Variants in RORA observed in about 807,000 individuals in gnomAD.
RORA encodes the protein nuclear receptor ROR-alpha.
RORA carries 7 observed loss-of-function variants against 69.5 expected under a neutral mutation model. The ratio of observed to expected loss-of-function variants is 0.10; its 90% CI spans 0.06 to 0.19. The LOEUF (loss-of-function observed/expected upper bound fraction) is 0.19, where lower values mean the gene tolerates loss of function less well. Ranked by LOEUF, RORA falls within the 10% of genes least tolerant of loss-of-function variation. RORA has a pLI of 1.00. For synonymous variants in RORA, 261 were observed against 240.8 expected (o/e 1.08, Z -0.78); for missense variants, 457 against 663.0 (o/e 0.69, Z 3.41).
rs1033539314 is a variant in RORA, at chr15:61,036,285, T to C, written c.166+192768A>G. Among the ~76,000 whole-genome samples the C allele has an allele frequency of 8.5e-5, 13 of 152,158 alleles. No individual in the cohort carries two copies. The East Asian group carries it at 9.7e-4, about 11-fold the overall frequency. On this transcript the variant is annotated intron_variant, in intron 1 of 10. Coordinates refer to ENST00000335670, the MANE Select transcript of RORA (RefSeq NM_134261.3). ...GTCTGTAGGAGAGCATCGGCAAAGA[T>C]AGCAAGAGGATGCAATCCTCTTTAG... is the stretch of plus-strand genomic sequence containing the variant.
At chr15:61,228,521 C>T (rs1237192930) in intron 1 of RORA, among the ~76,000 whole-genome samples, 1 of 147,058 alleles carries the variant, frequency 6.8e-6, no homozygotes, top group Non-Finnish European at 1.5e-5. Context: ...CCAGGTCGCT[C>T]ACTCCTCCCG....
intron 1 of RORA, among the ~76,000 whole-genome samples, chr15:60,838,136 G>A (rs1476142791): frequency 6.6e-6 from 1 of 152,056 alleles, no homozygotes; most frequent in East Asian, 1.9e-4. Context: ...CCAAGTGGTG[G>A]GATGAGCTGT....
intron 1 of RORA, among the ~76,000 whole-genome samples, chr15:60,988,741 C>T (rs192556689): frequency 7.3e-4 from 111 of 152,278 alleles, no homozygotes; most frequent in Non-Finnish European, 9.7e-4. Flanking sequence ...CAATAAGGTA[C>T]ACAATGCAGT....
At chr15:61,008,211 G>A (rs879582082) in intron 1 of RORA, among the ~76,000 whole-genome samples, 1 of 142,438 alleles carries the variant, frequency 7.0e-6, no homozygotes, top group East Asian at 2.0e-4. Context: ...CTCTGTGTGT[G>A]TGTGTGTGTG....
chr15:60,689,362 G>T (rs1190855796), intron 1 of RORA, among the ~76,000 whole-genome samples: 4 of 152,192 alleles, frequency 2.6e-5, no homozygotes, highest in African/African-American at 7.2e-5. Flanking sequence ...CACTAAGGTG[G>T]CCCCGAGCTT....
In RORA at chr15:60,491,583, T is replaced by A. The variant is rs2065041744; in HGVS notation, c.*5872A>T. 2 of 151,740 alleles carry A rather than the reference T, an allele frequency of 1.3e-5. No individual in the cohort carries two copies. The highest frequency in any genetic ancestry group is 2.9e-5 in the Non-Finnish European group (2 of 67,928). The allele number at this position is 151,740 out of a possible 1,614,324, so 9.4% of individuals were successfully genotyped here. A position where few individuals can be genotyped will look rare whatever the true frequency, so the allele number is the denominator to read the frequency against. On this transcript the variant is annotated 3_prime_UTR_variant, in exon 11 of 11. Transcript: ENST00000335670. ...AAATGACTGAATGTATTTATTGCTC[T>A]AAGTTCTGAGGGTTTGGTTGAACAT...
intron 1 of RORA, among the ~76,000 whole-genome samples, chr15:60,914,107 C>T (rs545628269): frequency 6.6e-6 from 1 of 152,262 alleles, no homozygotes; most frequent in East Asian, 1.9e-4. Flanking sequence ...AAAACAAAGA[C>T]GGGTGCACGT....
chr15:61,127,374 T>G (rs1447955840), intron 1 of RORA, among the ~76,000 whole-genome samples: 2 of 152,206 alleles, frequency 1.3e-5, no homozygotes, highest in African/African-American at 4.8e-5. Context: ...ACTGGTGGGA[T>G]TCAAGAGATG....
chr15:60,669,646 C>T (rs953378722), intron 2 of RORA, among the ~76,000 whole-genome samples: 2 of 104,724 alleles, frequency 1.9e-5, no homozygotes, highest in Non-Finnish European at 4.2e-5. Flanking sequence ...CCAGTCAGAC[C>T]GATCTACACA....
intron 2 of RORA, among the ~76,000 whole-genome samples, chr15:60,599,071 T>A (rs2068758608): frequency 6.6e-6 from 1 of 152,208 alleles, no homozygotes; most frequent in Non-Finnish European, 1.5e-5. Context: ...ATACTCGAAG[T>A]GTTCCAGAAA....
chr15:60,510,813 T>TA (rs1337941935), intron 5 of RORA, among the ~76,000 whole-genome samples: 2 of 151,994 alleles, frequency 1.3e-5, no homozygotes, highest in African/African-American at 4.8e-5. Context: ...TCAAAAATTT[T>TA]AAAACTCTGC....
At chr15:60,793,743 A>C (rs1256238519) in intron 1 of RORA, among the ~76,000 whole-genome samples, 1 of 152,220 alleles carries the variant, frequency 6.6e-6, no homozygotes, top group African/African-American at 2.4e-5. Flanking sequence ...ATGAAACTTC[A>C]AAGAGCTTTC....
At chr15:60,857,738 G>A (rs1011463970) in intron 1 of RORA, among the ~76,000 whole-genome samples, 93 of 152,290 alleles carry the variant, frequency 6.1e-4, no homozygotes, top group African/African-American at 2.1e-3. Context: ...AACTCACTTG[G>A]AGTTCAACAT....
At chr15:61,228,924 G>A (rs1041323204) in intron 1 of RORA, 129 bp downstream of exon 1, 3 of 213,838 alleles carry the variant, frequency 1.4e-5, no homozygotes, top group African/African-American at 2.4e-5. Context: ...GGTCCTCCGG[G>A]CTCGGGGCGC....
Position 60,683,647 on chromosome 15 carries a change from T to TACACACACACACACACACACAC in RORA, c.167-4983_167-4962dup, listed in dbSNP as rs59854874. ...TCCTTCTATTTTACCCAGATACACA[T>TACACACACACACACACACACAC]ACACACACACACACACACACACACA... On this transcript the variant is annotated intron_variant, in intron 1 of 10. Coordinates refer to ENST00000335670, the MANE Select transcript of RORA (RefSeq NM_134261.3). 5.8e-4 allele frequency among the ~76,000 whole-genome samples: 86 copies of TACACACACACACACACACACAC among 148,734 alleles called. 2 individuals carry two copies. In the South Asian group the frequency reaches 0.011, roughly 18 times the overall value.
At chr15:60,867,654 A>G (rs915333495) in intron 1 of RORA, among the ~76,000 whole-genome samples, 6 of 152,110 alleles carry the variant, frequency 3.9e-5, no homozygotes, top group African/African-American at 1.4e-4. Flanking sequence ...AAGTGTATCA[A>G]TGTGCTAAAT....
intron 1 of RORA, among the ~76,000 whole-genome samples, chr15:60,720,261 AC>A (rs2071275659): frequency 6.6e-6 from 1 of 152,184 alleles, no homozygotes; most frequent in Non-Finnish European, 1.5e-5. Context: ...GGGCTGTGAT[AC>A]GGGAGCTAGC....
intron 1 of RORA, among the ~76,000 whole-genome samples, chr15:60,949,763 T>C (rs1291545734): frequency 1.3e-5 from 2 of 152,238 alleles, no homozygotes; most frequent in African/African-American, 4.8e-5. Context: ...CTCCTCCTTA[T>C]ATCTTTATCT....
intron 1 of RORA, among the ~76,000 whole-genome samples, chr15:61,144,442 C>T (rs1445467468): frequency 1.3e-5 from 2 of 152,216 alleles, no homozygotes; most frequent in African/African-American, 4.8e-5. Context: ...ACATGCACAG[C>T]AACTGAGGAC....
Sources: gnomAD v4.1 joint callset for allele counts (sites outside exome capture counted in the v4.1 genomes callset) on GRCh38, gnomAD v4.1.1 for gene constraint, MANE v1.5 for transcripts, NCBI Gene and HGNC (gene_info 2026-07-23, HGNC 2026-07-21) for gene names.